The following PARD3B variants were observed in gnomAD, a reference collection of about 807,000 sequenced individuals.
PARD3B encodes the protein partitioning defective 3 homolog B.
A neutral mutation model predicts 130.2 loss-of-function variants in PARD3B; 103 were observed. The ratio of observed to expected loss-of-function variants is 0.79; its 90% CI spans 0.67 to 0.93. The LOEUF is 0.93. PARD3B is among the 40% of genes least tolerant of loss of function. PARD3B has a pLI of 0.00. For synonymous variants in PARD3B, 583 were observed against 553.2 expected (o/e 1.05, Z -0.76); for missense variants, 1,609 against 1,499.2 (o/e 1.07, Z -1.21).
At chr2:204,547,204 A>G (rs181272343) in intron 1 of PARD3B, among the ~76,000 whole-genome samples, 25 of 152,352 alleles carry the variant, frequency 1.6e-4, no homozygotes, top group African/African-American at 6.0e-4. Context: ...ATTGTTTCTT[A>G]CAAGTGTATA....
intron 12 of PARD3B, among the ~76,000 whole-genome samples, chr2:205,175,589 G>A (rs911317437): frequency 2.4e-4 from 37 of 152,222 alleles, no homozygotes; most frequent in African/African-American, 7.7e-4. Context: ...GGGTGCTGCT[G>A]TTTGTGGTAC....
At chr2:205,004,983 T>G (rs1413897253) in intron 3 of PARD3B, among the ~76,000 whole-genome samples, 1 of 152,194 alleles carries the variant, frequency 6.6e-6, no homozygotes, top group Non-Finnish European at 1.5e-5. Context: ...ATAATTCCAT[T>G]AAGCATCACT....
chr2:204,926,122 C>T (rs751440036), intron 2 of PARD3B, among the ~76,000 whole-genome samples: 18 of 151,986 alleles, frequency 1.2e-4, no homozygotes, highest in Non-Finnish European at 1.6e-4. Context: ...GAGATATATG[C>T]GTATCTAGCA....
chr2:204,875,305 C>G (rs1008251379), intron 2 of PARD3B, among the ~76,000 whole-genome samples: 1 of 152,134 alleles, frequency 6.6e-6, no homozygotes, highest in Non-Finnish European at 1.5e-5. Flanking sequence ...TATTCTTTAT[C>G]AAAGTCCTAG....
chr2:205,196,414 T>A (rs911553430), intron 15 of PARD3B, among the ~76,000 whole-genome samples: 17 of 152,176 alleles, frequency 1.1e-4, no homozygotes, highest in African/African-American at 3.9e-4. Flanking sequence ...ATTTGTTAAT[T>A]TTGTCCTCTT....
In PARD3B at chr2:205,047,874, T is replaced by G. The variant is rs1040511764; in HGVS notation, c.504+184T>G. The G allele has an allele frequency of 1.7e-5, 8 of 468,266 alleles. No individual in the cohort carries two copies. In the Admixed American group the frequency reaches 3.1e-4, roughly 18 times the overall value. 29.0% of individuals were successfully genotyped at this position (468,266 alleles called of 1,614,324 possible). A position where few individuals can be genotyped will look rare whatever the true frequency, so the allele number is the denominator to read the frequency against. ...TTGTATATAGTTATAGCGATAGCTA[T>G]TACGTATATGGCACTGATTATGTGC... On this transcript the variant is annotated intron_variant, in intron 4 of 22. Coordinates refer to ENST00000406610, the MANE Select transcript of PARD3B (RefSeq NM_001302769.2).
At chr2:205,135,467 A>G (rs894533724) in intron 10 of PARD3B, among the ~76,000 whole-genome samples, 1 of 152,194 alleles carries the variant, frequency 6.6e-6, no homozygotes, top group African/African-American at 2.4e-5. Flanking sequence ...ACTACAGTCC[A>G]TCTCATTTTG....
chr2:204,553,691 T>TAC (rs1331661427), intron 1 of PARD3B, among the ~76,000 whole-genome samples: 6 of 113,062 alleles, frequency 5.3e-5, no homozygotes, highest in African/African-American at 1.9e-4. Context: ...TATATATATA[T>TAC]ATATACACAC....
chr2:204,672,575 A>AT (rs1479202544), intron 1 of PARD3B, among the ~76,000 whole-genome samples: 1 of 152,166 alleles, frequency 6.6e-6, no homozygotes, highest in Non-Finnish European at 1.5e-5. Context: ...CAATTTTTGT[A>AT]TTTTTGTTGC....
Position 205,287,162 on chromosome 2 carries a change from A to G in PARD3B, c.2186-13368A>G, listed in dbSNP as rs2041426128. On this transcript the variant is annotated intron_variant, in intron 16 of 22. Coordinates refer to ENST00000406610, the MANE Select transcript of PARD3B (RefSeq NM_001302769.2). This position sits in a 1 kb window ranked among gnomAD's most constrained non-coding sequence, Gnocchi z 4.8. The stretch of plus-strand genomic sequence containing the variant: ...TCACCAGCAGTCTGCCCTGTTACTC[A>G]AGTGTCCGACCTGAGCAGAAACAAC... Among the ~76,000 whole-genome samples, 1 of 152,180 alleles carries G rather than the reference A, an allele frequency of 6.6e-6. No homozygotes were observed. Among genetic ancestry groups the G allele is most frequent in the African/African-American group, 2.4e-5 (1 of 41,436 alleles).
In PARD3B at chr2:205,331,782, C is replaced by CAAAAAAAAAAAAAAAAAAAAA. The variant is rs56654511; in HGVS notation, c.2630+30084_2630+30104dup. Among the ~76,000 whole-genome samples, 59 of 48,398 alleles carry CAAAAAAAAAAAAAAAAAAAAA rather than the reference C, an allele frequency of 1.2e-3. 4 individuals are homozygous for CAAAAAAAAAAAAAAAAAAAAA. The highest frequency in any genetic ancestry group is 5.5e-3 in the African/African-American group (51 of 9,302). 31.8% of individuals were successfully genotyped at this position (48,398 alleles called of 152,430 possible). On this transcript the variant is annotated intron_variant, in intron 18 of 22. Coordinates refer to ENST00000406610, the MANE Select transcript of PARD3B (RefSeq NM_001302769.2). Reference sequence around the variant, plus strand: ...TGGGCGACAGAGTGAGACTCCGTCTCAAAAAAAAAAAAAAAAAAAAAAAGA... The same window carrying CAAAAAAAAAAAAAAAAAAAAA: ...TGGGCGACAGAGTGAGACTCCGTCTCAAAAAAAAAAAAAAAAAAAAAAAAAAAAAAAAAAAAAAAAAAAAGA...
chr2:204,762,387 G>T (rs1021500949), intron 2 of PARD3B, among the ~76,000 whole-genome samples: 6 of 151,954 alleles, frequency 3.9e-5, no homozygotes, highest in African/African-American at 1.2e-4. Flanking sequence ...GCCTTCCAAA[G>T]TAATAGGATT....
At position 205,193,272 on chromosome 2, in the gene PARD3B, A is replaced by C. The variant is rs746557600; in HGVS notation, c.2092A>C (p.Arg698=). ...CAACTTCAGATCTGTGACACCGGCC[A>C]GGCAGCCTGAATCAATTAATTTGAA... ...HINFRSVTPA[R]QPESINLKAS... is the part of the protein sequence containing the mutation. Residue 698 remains arginine (R), a synonymous_variant, in exon 15 of 23, where the codon AGG becomes CGG. Coordinates refer to ENST00000406610, the MANE Select transcript of PARD3B (RefSeq NM_001302769.2). 1 of 1,613,608 alleles carries C rather than the reference A, an allele frequency of 6.2e-7. No homozygotes were observed. The highest frequency in any genetic ancestry group is 1.1e-5 in the South Asian group (1 of 91,064).
At chr2:205,250,977 A>G (rs2039821135) in intron 16 of PARD3B, among the ~76,000 whole-genome samples, 1 of 152,146 alleles carries the variant, frequency 6.6e-6, no homozygotes, top group Non-Finnish European at 1.5e-5. Flanking sequence ...TCAGCTGGTA[A>G]CTAGTTTGGG....
At chr2:204,739,869 T>G (rs1446342805) in intron 2 of PARD3B, among the ~76,000 whole-genome samples, 1 of 152,130 alleles carries the variant, frequency 6.6e-6, no homozygotes, top group South Asian at 2.1e-4. Flanking sequence ...TTTTTAAGAA[T>G]AAAGCTTCTC....
chr2:204,579,612 A>C (rs2032444683), intron 1 of PARD3B, among the ~76,000 whole-genome samples: 1 of 152,270 alleles, frequency 6.6e-6, no homozygotes, highest in South Asian at 2.1e-4. Context: ...TAAGTATGAC[A>C]GTGTAACTAG....
At chr2:204,741,246 T>G (rs1465412884) in intron 2 of PARD3B, among the ~76,000 whole-genome samples, 3 of 152,166 alleles carry the variant, frequency 2.0e-5, no homozygotes, top group African/African-American at 7.2e-5. Flanking sequence ...AAAGATACAA[T>G]TAGTATTTAT....
intron 2 of PARD3B, among the ~76,000 whole-genome samples, chr2:204,935,345 C>T (rs7586728): frequency 0.53 from 77,113 of 144,500 alleles, 21,219 homozygotes; most frequent in Non-Finnish European, 0.57. Flanking sequence ...CTGGCTAACA[C>T]GGTGAAACCC....
chr2:205,310,241 C>T (rs374894255), intron 18 of PARD3B, among the ~76,000 whole-genome samples: 1 of 151,704 alleles, frequency 6.6e-6, no homozygotes, highest in Non-Finnish European at 1.5e-5. Context: ...CCCACCACCA[C>T]GCCCAGCTAA....
Sources: gnomAD v4.1 joint callset for allele counts (sites outside exome capture counted in the v4.1 genomes callset) on GRCh38, gnomAD v4.1.1 for gene constraint, Gnocchi (gnomAD v3.1) non-coding constraint, MANE v1.5 for transcripts, NCBI Gene and HGNC (gene_info 2026-07-23, HGNC 2026-07-21) for gene names.